Variants in CHCHD6 observed in about 807,000 individuals in gnomAD.
The protein encoded by CHCHD6 is MICOS complex subunit MIC25.
Under a neutral mutation model 32.3 loss-of-function variants are expected in CHCHD6, and 28 were observed. The ratio of observed to expected loss-of-function variants is 0.87; its 90% CI spans 0.64 to 1.19. The LOEUF (loss-of-function observed/expected upper bound fraction) is 1.19. Among genes scored for constraint, CHCHD6 ranks in the 50% most tolerant of loss-of-function variants. The pLI is 0.00. For missense variants in CHCHD6, 333 were observed against 307.0 expected (o/e 1.08, Z -0.63); for synonymous variants, 122 against 117.5 (o/e 1.04, Z -0.25).
At chr3:126,921,619 C>T (rs1158163290) in intron 6 of CHCHD6, among the ~76,000 whole-genome samples, 1 of 152,148 alleles carries the variant, frequency 6.6e-6, no homozygotes, top group African/African-American at 2.4e-5. Flanking sequence ...GAGGTTAGAA[C>T]AATTGAGTTG....
chr3:126,941,616 T>C (rs2078560973), intron 6 of CHCHD6, among the ~76,000 whole-genome samples: 1 of 152,222 alleles, frequency 6.6e-6, no homozygotes, highest in Non-Finnish European at 1.5e-5. Flanking sequence ...TTGCCGTCAC[T>C]GTTGGTCTAT....
rs60896630 is a variant in CHCHD6, at chr3:126,737,390, GTATATATATATATATATA to G, written c.411+4180_411+4197del. ...TCTTTTATTATTTTATGATGTGTGA[GTATATATATATATATATA>G]TATATATATATGCACACAAATGCAC... is the stretch of plus-strand genomic sequence containing the variant. On this transcript the variant is annotated intron_variant, in intron 4 of 7. Coordinates refer to ENST00000290913, the MANE Select transcript of CHCHD6 (RefSeq NM_032343.3). Among the ~76,000 whole-genome samples the G allele has an allele frequency of 2.6e-3, 345 of 132,640 alleles. 2 individuals are homozygous for G. Among genetic ancestry groups the G allele is most frequent in the Admixed American group, 5.8e-3 (76 of 13,090 alleles). 87.0% of individuals were successfully genotyped at this position (132,640 alleles called of 152,430 possible).
chr3:126,780,174 G>A (rs976806236), intron 4 of CHCHD6, among the ~76,000 whole-genome samples: 2 of 152,196 alleles, frequency 1.3e-5, no homozygotes, highest in South Asian at 2.1e-4. Flanking sequence ...TATCAGGCAC[G>A]TAAGCTTGGG....
chr3:126,841,158 T>C (rs1229900378), intron 4 of CHCHD6, among the ~76,000 whole-genome samples: 3 of 152,108 alleles, frequency 2.0e-5, no homozygotes, highest in Non-Finnish European at 4.4e-5. Flanking sequence ...GGTTTTTTGT[T>C]CTTGCAATAG....
intron 1 of CHCHD6, among the ~76,000 whole-genome samples, chr3:126,721,137 C>T (rs114150222): frequency 2.2e-4 from 33 of 152,330 alleles, no homozygotes; most frequent in African/African-American, 7.2e-4. Flanking sequence ...AGCCACCAGA[C>T]GAGCCTTTCA....
Position 126,764,200 on chromosome 3 carries a change from C to CATATATATATATATATAT in CHCHD6, c.411+30986_411+31003dup, listed in dbSNP as rs143293559. On this transcript the variant is annotated intron_variant, in intron 4 of 7. Transcript: ENST00000290913. ...ATACACATACATACATACATACATG[C>CATATATATATATATATAT]ATATATATATATATATATATATATA... Among the ~76,000 whole-genome samples, 28 of 139,798 alleles carry CATATATATATATATATAT rather than the reference C, an allele frequency of 2.0e-4. No homozygotes were observed. The South Asian group carries it at 4.0e-3, about 20-fold the overall frequency. 91.7% of individuals were successfully genotyped at this position (139,798 alleles called of 152,430 possible).
chr3:126,835,443 T>C (rs2107544110), intron 4 of CHCHD6, among the ~76,000 whole-genome samples: 1 of 152,320 alleles, frequency 6.6e-6, no homozygotes, highest in Non-Finnish European at 1.5e-5. Context: ...ACTCATGGGC[T>C]TACAATCCCT....
intron 1 of CHCHD6, among the ~76,000 whole-genome samples, chr3:126,711,533 C>T (rs1044372403): frequency 6.6e-6 from 1 of 152,174 alleles, no homozygotes; most frequent in Non-Finnish European, 1.5e-5. Context: ...TTTTTGGTTG[C>T]AGCATTCATC....
At chr3:126,871,295 A>G (rs2077466601) in intron 5 of CHCHD6, among the ~76,000 whole-genome samples, 1 of 152,158 alleles carries the variant, frequency 6.6e-6, no homozygotes, top group Non-Finnish European at 1.5e-5. Flanking sequence ...AACATTTTCC[A>G]AAAGGATCAG....
At chr3:126,773,005 A>G (rs1357816710) in intron 4 of CHCHD6, among the ~76,000 whole-genome samples, 1 of 152,104 alleles carries the variant, frequency 6.6e-6, no homozygotes, top group Non-Finnish European at 1.5e-5. Flanking sequence ...TTGGCTGGAT[A>G]TGAAATTCTT....
intron 4 of CHCHD6, chr3:126,766,917 A>G (rs1216390596): frequency 5.7e-6 from 6 of 1,050,554 alleles, no homozygotes; most frequent in Non-Finnish European, 9.0e-6. Context: ...CCAGCCGGCC[A>G]TAGCCACTGA....
chr3:126,929,562 A>ACT (rs1312086717), intron 6 of CHCHD6, among the ~76,000 whole-genome samples: 2 of 147,438 alleles, frequency 1.4e-5, no homozygotes, highest in African/African-American at 2.5e-5. Flanking sequence ...ATCTCTCTCA[A>ACT]CTCTCTCTCT....
chr3:126,838,370 C>T (rs1182023837), intron 4 of CHCHD6, among the ~76,000 whole-genome samples: 4 of 152,148 alleles, frequency 2.6e-5, no homozygotes, highest in Admixed American at 6.5e-5. Context: ...GAAGATGACC[C>T]TAGAGAAGCA....
At chr3:126,956,803 C>G (rs1414962484) in intron 6 of CHCHD6, among the ~76,000 whole-genome samples, 1 of 152,148 alleles carries the variant, frequency 6.6e-6, no homozygotes, top group Non-Finnish European at 1.5e-5. Context: ...AAATTACCCC[C>G]AAAATATTAT....
At chr3:126,831,657 G>T (rs991149133) in intron 4 of CHCHD6, among the ~76,000 whole-genome samples, 1 of 152,168 alleles carries the variant, frequency 6.6e-6, no homozygotes, top group African/African-American at 2.4e-5. Context: ...TCAGAAGATG[G>T]GCCCTGTGTC....
intron 3 of CHCHD6, among the ~76,000 whole-genome samples, chr3:126,731,141 T>C (rs1044717843): frequency 1.4e-5 from 2 of 144,196 alleles, no homozygotes; most frequent in African/African-American, 2.6e-5. Context: ...TTAAAAAAGC[T>C]AGGACTAAAC....
chr3:126,865,744 T>C (rs1009143908), intron 5 of CHCHD6: 29 of 984,614 alleles, frequency 2.9e-5, no homozygotes, highest in Non-Finnish European at 3.3e-5. Context: ...TTCTGGTATG[T>C]TTGCTAAAGA....
At chr3:126,744,818 G>T (rs755313326) in intron 4 of CHCHD6, among the ~76,000 whole-genome samples, 32 of 152,124 alleles carry the variant, frequency 2.1e-4, no homozygotes, top group Non-Finnish European at 4.4e-4. Flanking sequence ...CTCCCCAGTA[G>T]CTGGGACTAC....
intron 4 of CHCHD6, among the ~76,000 whole-genome samples, chr3:126,734,212 C>G (rs188767754): frequency 2.4e-4 from 37 of 152,316 alleles, no homozygotes; most frequent in Admixed American, 9.8e-4. Flanking sequence ...CTGACTGCAG[C>G]TAGGGCTCTT....
Sources: gnomAD v4.1 joint callset for allele counts (sites outside exome capture counted in the v4.1 genomes callset) on GRCh38, gnomAD v4.1.1 for gene constraint, MANE v1.5 for transcripts, NCBI Gene and HGNC (gene_info 2026-07-23, HGNC 2026-07-21) for gene names.